TAFA5: variants seen among roughly 807,000 people sequenced by gnomAD.
The protein encoded by TAFA5 is TAFA chemokine like family member 5, also known as chemokine-like protein TAFA-5.
TAFA5 carries 6 observed loss-of-function variants against 15.3 expected under a neutral mutation model. The ratio of observed to expected loss-of-function variants is 0.39; its 90% confidence interval spans 0.21 to 0.77. The LOEUF is 0.77. TAFA5 is among the 30% of genes least tolerant of loss of function. The pLI is 0.41. For missense variants in TAFA5, 161 were observed against 193.1 expected, an observed-to-expected ratio of 0.83 and a Z score of 0.98; for synonymous variants, 103 against 80.7, an observed-to-expected ratio of 1.28 and a Z score of -1.48.
intron 1 of TAFA5, among the ~76,000 whole-genome samples, chr22:48,555,644 C>T (rs1406500886): frequency 6.6e-6 from 1 of 152,172 alleles, no homozygotes; most frequent in Admixed American, 6.5e-5. Flanking sequence ...CCCCACGCCA[C>T]GGGCACCCCG....
At chr22:48,704,832 T>C (rs1051405398) in intron 2 of TAFA5, among the ~76,000 whole-genome samples, 1 of 152,030 alleles carries the variant, frequency 6.6e-6, no homozygotes, top group Non-Finnish European at 1.5e-5. Context: ...CAACACACGT[T>C]TATTTTCTCA....
At position 48,603,257 on chromosome 22, in the gene TAFA5, C is replaced by T. The variant is rs117542662; in HGVS notation, c.113-43340C>T. Among the ~76,000 whole-genome samples, 772 of 152,362 alleles carry T rather than the reference C, an allele frequency of 5.1e-3. 45 individuals carry two copies. In the East Asian group the frequency reaches 0.13, roughly 25 times the overall value. On this transcript the variant is annotated intron_variant, in intron 1 of 3. Transcript: ENST00000402357. ...GTCCTCAGTTCCGGTAGGGGGAGGG[C>T]TTGAGTGCCCGGAGGCTGCTCTGCC...
At chr22:48,574,091 T>C (rs1923677435) in intron 1 of TAFA5, among the ~76,000 whole-genome samples, 1 of 152,130 alleles carries the variant, frequency 6.6e-6, no homozygotes, top group South Asian at 2.1e-4. Flanking sequence ...AGAGAATGTC[T>C]AGGGGTGGAG....
At chr22:48,591,347 C>G (rs1200430800) in intron 1 of TAFA5, among the ~76,000 whole-genome samples, 1 of 152,222 alleles carries the variant, frequency 6.6e-6, no homozygotes, top group African/African-American at 2.4e-5. Context: ...GCCCTCAGAG[C>G]CACAGGCAGG....
chr22:48,582,431 A>C (rs1407789499), intron 1 of TAFA5, among the ~76,000 whole-genome samples: 2 of 151,326 alleles, frequency 1.3e-5, no homozygotes, highest in Non-Finnish European at 3.0e-5. Context: ...ACCACATACC[A>C]CACACAAAAT....
chr22:48,735,789 C>T (rs1045654387), intron 3 of TAFA5, among the ~76,000 whole-genome samples: 1 of 118,110 alleles, frequency 8.5e-6, no homozygotes. Flanking sequence ...CCATCCCCCG[C>T]AGGAGGAATG....
intron 1 of TAFA5, among the ~76,000 whole-genome samples, chr22:48,614,800 A>C (rs762288217): frequency 3.3e-5 from 5 of 152,106 alleles, no homozygotes; most frequent in Non-Finnish European, 7.4e-5. Flanking sequence ...CACGTCCAGC[A>C]CTTGTAGTGT....
intron 1 of TAFA5, among the ~76,000 whole-genome samples, chr22:48,637,943 G>A (rs1926510482): frequency 6.6e-6 from 1 of 152,136 alleles, no homozygotes; most frequent in African/African-American, 2.4e-5. Context: ...GGGATCCTGA[G>A]GCTGTCCTGC....
intron 1 of TAFA5, among the ~76,000 whole-genome samples, chr22:48,507,581 G>C (rs983676620): frequency 6.6e-6 from 1 of 152,322 alleles, no homozygotes; most frequent in Non-Finnish European, 1.5e-5. Flanking sequence ...AGTTGCTTCC[G>C]TGGCATCCAG....
chr22:48,507,806 G>A (rs891711348), intron 1 of TAFA5, among the ~76,000 whole-genome samples: 2 of 152,160 alleles, frequency 1.3e-5, no homozygotes, highest in African/African-American at 4.8e-5. Flanking sequence ...CTGTCGGGAT[G>A]GACAGCGCCC....
intron 1 of TAFA5, among the ~76,000 whole-genome samples, chr22:48,615,470 T>C (rs1398574825): frequency 6.6e-6 from 1 of 152,228 alleles, no homozygotes; most frequent in Non-Finnish European, 1.5e-5. Flanking sequence ...TTCGCCTAGC[T>C]GTGGGGGCCA....
rs779233802 is a variant in TAFA5, at chr22:48,646,673, G to A, written c.189G>A (p.Arg63=). Residue 63 remains arginine (R), a synonymous_variant, in exon 2 of 4, where the codon CGG becomes CGA. Coordinates refer to ENST00000402357, the MANE Select transcript of TAFA5 (RefSeq NM_001082967.3). ...GCCAGCCTCGGAGGACGATCGCCCG[G>A]CAGACCGCCCGCTGTGCGTGTAGAA... ...DSSQPRRTIA[R]QTARCACRKG... 30 of 1,611,652 alleles carry A rather than the reference G, an allele frequency of 1.9e-5. 1 individual carries two copies. Among genetic ancestry groups the A allele is most frequent in the Middle Eastern group, 3.3e-4 (2 of 6,058 alleles).
At chr22:48,536,076 C>T (rs563470828) in intron 1 of TAFA5, among the ~76,000 whole-genome samples, 1 of 152,246 alleles carries the variant, frequency 6.6e-6, no homozygotes, top group Admixed American at 6.5e-5. Flanking sequence ...CGCTTGGTGC[C>T]GCATGCAGCG....
At chr22:48,548,478 G>C (rs1241259859) in intron 1 of TAFA5, among the ~76,000 whole-genome samples, 1 of 152,244 alleles carries the variant, frequency 6.6e-6, no homozygotes, top group African/African-American at 2.4e-5. Flanking sequence ...TGCTGTTCGG[G>C]ACCCTGGGTC....
intron 2 of TAFA5, among the ~76,000 whole-genome samples, chr22:48,691,147 G>GC (rs1437585984): frequency 2.0e-5 from 3 of 152,146 alleles, no homozygotes; most frequent in African/African-American, 7.2e-5. Context: ...CCTCAGGGCG[G>GC]CCCGGGGACC....
intron 1 of TAFA5, among the ~76,000 whole-genome samples, chr22:48,553,462 T>G (rs1482789743): frequency 1.3e-5 from 2 of 152,154 alleles, no homozygotes; most frequent in Non-Finnish European, 2.9e-5. Flanking sequence ...CCTGGCCGCA[T>G]GCACTGGACA....
chr22:48,576,039 ACCCCCCCCCC>A (rs535068094), intron 1 of TAFA5, among the ~76,000 whole-genome samples: 1 of 31,436 alleles, frequency 3.2e-5, no homozygotes, highest in African/African-American at 2.4e-4. Flanking sequence ...GCCGCGCCGG[ACCCCCCCCCC>A]CCCCGCGCCG....
intron 1 of TAFA5, among the ~76,000 whole-genome samples, chr22:48,582,803 C>T (rs1311690232): frequency 2.2e-5 from 3 of 137,116 alleles, no homozygotes; most frequent in Non-Finnish European, 4.7e-5. Context: ...ATACACCACA[C>T]ATGAAATACA....
chr22:48,675,304 C>G lies in TAFA5; in HGVS notation c.262+28558C>G, dbSNP rs17223657. On this transcript the variant is annotated intron_variant, in intron 2 of 3. Coordinates refer to ENST00000402357, the MANE Select transcript of TAFA5 (RefSeq NM_001082967.3). Reference sequence around the variant, plus strand: ...TGGGTATTGCCAAGTGGCAGAGATGCAGGACTCAGGAGGCTTCCTGTGGCG... The same window carrying G: ...TGGGTATTGCCAAGTGGCAGAGATGGAGGACTCAGGAGGCTTCCTGTGGCG... 2.9e-3 allele frequency among the ~76,000 whole-genome samples: 444 copies of G among 152,356 alleles called. 14 individuals carry two copies. The East Asian group carries it at 0.066, about 23-fold the overall frequency.
Sources: gnomAD v4.1 joint callset for allele counts (sites outside exome capture counted in the v4.1 genomes callset) on GRCh38, gnomAD v4.1.1 for gene constraint, MANE v1.5 for transcripts, NCBI Gene and HGNC (gene_info 2026-07-23, HGNC 2026-07-21) for gene names.